The following TRPM3 variants were observed in gnomAD, a reference collection of about 807,000 sequenced individuals.
The protein encoded by TRPM3 is long transient receptor potential channel 3.
Under a neutral mutation model 181.2 loss-of-function variants are expected in TRPM3, and 77 were observed. The ratio of observed to expected loss-of-function variants is 0.42; its 90% CI spans 0.35 to 0.51. The LOEUF (loss-of-function observed/expected upper bound fraction) is 0.51, where lower values mean the gene tolerates loss of function less well. TRPM3 is among the 20% of genes least tolerant of loss of function. The pLI is 0.01. For synonymous variants in TRPM3, 745 were observed against 796.4 expected (o/e 0.94, Z 1.09); for missense variants, 1,759 against 2,196.7 (o/e 0.80, Z 3.98).
At chr9:71,203,908 T>C (rs1448704111) in intron 1 of TRPM3, among the ~76,000 whole-genome samples, 1 of 152,042 alleles carries the variant, frequency 6.6e-6, no homozygotes, top group Non-Finnish European at 1.5e-5. Flanking sequence ...TTGAAAGTAA[T>C]CTCATTTCAA....
rs1242414804 is a variant in TRPM3, at chr9:71,011,901, C to T, written c.177+109277G>A. 2.6e-5 allele frequency among the ~76,000 whole-genome samples: 4 copies of T among 151,532 alleles called. No homozygotes were observed. In the East Asian group the frequency reaches 5.8e-4, roughly 22 times the overall value. ...GTTCAAGCGATCCTTCCACCTCAGC[C>T]GCCCGAGCAACTGGGACTACAGGTG... On this transcript the variant is annotated intron_variant, in intron 1 of 25. Coordinates refer to ENST00000677713, the MANE Select transcript of TRPM3 (RefSeq NM_001366145.2).
rs757849460 is a variant in TRPM3 at position 70,552,838 on chromosome 9, G to A, written c.3574+6C>T. Reference sequence around the variant, plus strand: ...TGTGGCAGCTCGGCTGTCGCTTGAAGCTTACTCAGGCCGTAGTCCCTTTCA... The same window carrying A: ...TGTGGCAGCTCGGCTGTCGCTTGAAACTTACTCAGGCCGTAGTCCCTTTCA... On this transcript the variant is annotated splice_donor_region_variant and intron_variant, in intron 24 of 25. Transcript: ENST00000677713. 47 of 1,613,486 alleles carry A rather than the reference G, an allele frequency of 2.9e-5. No homozygotes were observed. The highest frequency in any genetic ancestry group is 3.5e-4 in the Middle Eastern group (2 of 5,658).
chr9:70,601,063 G>GA (rs1378591955), intron 20 of TRPM3, among the ~76,000 whole-genome samples: 1 of 152,126 alleles, frequency 6.6e-6, no homozygotes, highest in Non-Finnish European at 1.5e-5. Flanking sequence ...AGTAGAAAGA[G>GA]CAGTGAGTCT....
intron 1 of TRPM3, among the ~76,000 whole-genome samples, chr9:70,998,152 TATACATATATACATATATAC>T (rs2097560355): frequency 7.3e-5 from 2 of 27,516 alleles, no homozygotes; most frequent in Non-Finnish European, 7.6e-5. Context: ...CACATATATA[TATACATATATACATATATAC>T]ACATATATAT....
At chr9:70,821,852 C>T (rs1003976237) in intron 6 of TRPM3, among the ~76,000 whole-genome samples, 2 of 152,152 alleles carry the variant, frequency 1.3e-5, no homozygotes, top group South Asian at 2.1e-4. Flanking sequence ...AGATTGATGC[C>T]TATTCTACCA....
At chr9:71,109,815 GC>G (rs2134189738) in intron 1 of TRPM3, among the ~76,000 whole-genome samples, 1 of 152,200 alleles carries the variant, frequency 6.6e-6, no homozygotes, top group South Asian at 2.1e-4. Context: ...ACCTATTTGG[GC>G]CAGAATCTTT....
chr9:70,924,797 T>C (rs1394394177), intron 1 of TRPM3, among the ~76,000 whole-genome samples: 1 of 152,176 alleles, frequency 6.6e-6, no homozygotes, highest in Non-Finnish European at 1.5e-5. Flanking sequence ...ATTCTCTAGC[T>C]GACTAATACA....
intron 1 of TRPM3, among the ~76,000 whole-genome samples, chr9:71,136,681 T>C (rs2074786249): frequency 6.6e-6 from 1 of 152,072 alleles, no homozygotes; most frequent in African/African-American, 2.4e-5. Flanking sequence ...ATGCAAAGAA[T>C]GCGAAGAGGG....
intron 8 of TRPM3, among the ~76,000 whole-genome samples, chr9:70,694,819 C>A (rs7023527): frequency 6.6e-6 from 1 of 152,030 alleles, no homozygotes; most frequent in Non-Finnish European, 1.5e-5. Flanking sequence ...GGGCAAATTA[C>A]CATTTTAAAA....
Position 70,888,362 on chromosome 9 carries a change from GGTGTGTGTGTGTGT to G in TRPM3, c.178-23865_178-23852del, listed in dbSNP as rs71367235. Among the ~76,000 whole-genome samples the G allele has an allele frequency of 7.0e-5, 10 of 143,730 alleles. No individual in the cohort carries two copies. The East Asian group carries it at 1.0e-3, about 15-fold the overall frequency. 94.3% of individuals were successfully genotyped at this position (143,730 alleles called of 152,430 possible). On this transcript the variant is annotated intron_variant, in intron 1 of 25. Coordinates refer to ENST00000677713, the MANE Select transcript of TRPM3 (RefSeq NM_001366145.2). ...TTTTTTGCTCTTGCTTTTATTTTGG[GGTGTGTGTGTGTGT>G]GTGTGTGTGTGTGTGTGTGTGTGTG...
At chr9:70,611,622 A>G (rs547322512) in intron 18 of TRPM3, among the ~76,000 whole-genome samples, 28 of 152,256 alleles carry the variant, frequency 1.8e-4, no homozygotes, top group African/African-American at 6.5e-4. Flanking sequence ...CCATGTGAAA[A>G]CGGGACTAAA....
At chr9:70,623,238 T>C (rs1295423043) in intron 14 of TRPM3, among the ~76,000 whole-genome samples, 1 of 151,954 alleles carries the variant, frequency 6.6e-6, no homozygotes, top group Non-Finnish European at 1.5e-5. Context: ...TAGTCGCACA[T>C]GCCTGTAATG....
intron 1 of TRPM3, among the ~76,000 whole-genome samples, chr9:71,195,375 C>A (rs189177304): frequency 2.0e-5 from 3 of 151,852 alleles, no homozygotes; most frequent in East Asian, 1.9e-4. Context: ...ATGCGGCCAA[C>A]AAGTATATGA....
At chr9:71,280,569 T>A (rs895996765) in intron 1 of TRPM3, among the ~76,000 whole-genome samples, 3 of 152,098 alleles carry the variant, frequency 2.0e-5, no homozygotes, top group African/African-American at 7.2e-5. Context: ...AGAGGATTTG[T>A]GGGAGAAAAA....
At chr9:71,306,597 C>T (rs1045741975) in intron 1 of TRPM3, among the ~76,000 whole-genome samples, 1 of 151,924 alleles carries the variant, frequency 6.6e-6, no homozygotes, top group Admixed American at 6.6e-5. Context: ...TTTTAAAAAC[C>T]AGGCATGGTG....
At chr9:70,938,483 C>G (rs2096851519) in intron 1 of TRPM3, among the ~76,000 whole-genome samples, 1 of 151,860 alleles carries the variant, frequency 6.6e-6, no homozygotes, top group African/African-American at 2.4e-5. Flanking sequence ...TCTTTTTTTT[C>G]TATCTCTCCG....
At chr9:70,963,132 G>C (rs1323344953) in intron 1 of TRPM3, among the ~76,000 whole-genome samples, 2 of 152,152 alleles carry the variant, frequency 1.3e-5, no homozygotes, top group Non-Finnish European at 2.9e-5. Flanking sequence ...TCTAGCAAAT[G>C]TTTCCAAATC....
chr9:71,150,595 C>A (rs746823555), intron 1 of TRPM3, among the ~76,000 whole-genome samples: 1 of 152,062 alleles, frequency 6.6e-6, no homozygotes, highest in Admixed American at 6.6e-5. Context: ...AGAATACAAC[C>A]TTTCAAATTA....
intron 5 of TRPM3, among the ~76,000 whole-genome samples, chr9:70,834,297 C>A (rs1179190799): frequency 6.6e-6 from 1 of 152,196 alleles, no homozygotes. Flanking sequence ...CACTGCAGAG[C>A]AGCACAGTCC....
Sources: gnomAD v4.1 joint callset for allele counts (sites outside exome capture counted in the v4.1 genomes callset) on GRCh38, gnomAD v4.1.1 for gene constraint, MANE v1.5 for transcripts, NCBI Gene and HGNC (gene_info 2026-07-23, HGNC 2026-07-21) for gene names.